The following EIF2B3 variants were observed in gnomAD, a reference collection of about 807,000 sequenced individuals.
EIF2B3 encodes eukaryotic translation initiation factor 2B subunit gamma, also known as translation initiation factor eIF2B subunit gamma.
EIF2B3 carries 20 observed loss-of-function variants against 54.1 expected under a neutral mutation model. The observed-to-expected ratio is 0.37, with a 90% CI of 0.26 to 0.54. EIF2B3 has a LOEUF of 0.54. Ranked by LOEUF, EIF2B3 falls within the 20% of genes least tolerant of loss-of-function variation. The pLI, the probability that EIF2B3 is intolerant of heterozygous loss-of-function variation, is 0.86. For synonymous variants in EIF2B3, 153 were observed against 188.1 expected, an observed-to-expected ratio of 0.81 and a Z score of 1.52; for missense variants, 448 against 547.8, an observed-to-expected ratio of 0.82 and a Z score of 1.82.
At chr1:44,959,086 T>C in intron 3 of EIF2B3, 1 of 775,476 alleles carries the variant, frequency 1.3e-6, no homozygotes, top group Non-Finnish European at 2.3e-6. Context: ...CCAAGGCCTC[T>C]ATGATAGCCT....
chr1:44,857,561 G>T (rs1654469633), intron 11 of EIF2B3, 143 bp downstream of exon 11: 2 of 771,840 alleles, frequency 2.6e-6, no homozygotes, highest in Non-Finnish European at 4.4e-6. Flanking sequence ...GATGTCAACT[G>T]CTCTCCAAAG....
rs548610653 is a variant in EIF2B3, at chr1:44,900,885, C to G, written c.567-3441G>C. ...TATTTTCTTTGGTGAAATGTTCATTCAAGTCTTTTGCCTATTTTGAAATTA... is the reference window on the plus strand; with the variant it reads ...TATTTTCTTTGGTGAAATGTTCATTGAAGTCTTTTGCCTATTTTGAAATTA... On this transcript the variant is annotated intron_variant, in intron 5 of 11. Coordinates refer to ENST00000360403, the MANE Select transcript of EIF2B3 (RefSeq NM_020365.5). 3.3e-5 allele frequency among the ~76,000 whole-genome samples: 5 copies of G among 152,250 alleles called. No individual in the cohort carries two copies. The South Asian group carries it at 1.0e-3, about 32-fold the overall frequency.
At chr1:44,957,142 T>A (rs1364275520) in intron 3 of EIF2B3, among the ~76,000 whole-genome samples, 1 of 152,182 alleles carries the variant, frequency 6.6e-6, no homozygotes, top group African/African-American at 2.4e-5. Flanking sequence ...GACGTGTGCC[T>A]GTATTTCCAG....
At chr1:44,969,173 A>C (rs1047427639) in intron 3 of EIF2B3, among the ~76,000 whole-genome samples, 1 of 152,196 alleles carries the variant, frequency 6.6e-6, no homozygotes, top group Non-Finnish European at 1.5e-5. Context: ...AGAACACACC[A>C]CTGCCTTGCC....
At chr1:44,875,102 CTCTT>C in intron 9 of EIF2B3, among the ~76,000 whole-genome samples, 1 of 152,284 alleles carries the variant, frequency 6.6e-6, no homozygotes, top group East Asian at 1.9e-4. Flanking sequence ...CAGATGTGCT[CTCTT>C]AAAGAGTGTG....
rs1302336616 is a variant in EIF2B3, at chr1:44,879,902, C to T, written c.891G>A (p.Gln297=). The stretch of plus-strand genomic sequence containing the variant: ...TCATGATGTGGACATAGCAGCGCAC[C>T]TGTGATCTGGACAAGTCTTCCCACC... ...GDRWEDLSRS[Q]VRCYVHIMKE... Residue 297 remains glutamine, a synonymous_variant, in exon 8 of 12, where the codon CAG becomes CAA. Coordinates refer to ENST00000360403, the MANE Select transcript of EIF2B3 (RefSeq NM_020365.5). 2 of 1,614,192 alleles carry T rather than the reference C, an allele frequency of 1.2e-6. No individual in the cohort carries two copies. Among genetic ancestry groups the T allele is most frequent in the African/African-American group, 2.7e-5 (2 of 75,030 alleles).
At chr1:44,936,481 C>A (rs1006111618) in intron 4 of EIF2B3, among the ~76,000 whole-genome samples, 6 of 151,472 alleles carry the variant, frequency 4.0e-5, no homozygotes, top group Non-Finnish European at 5.9e-5. Flanking sequence ...AACCCACCTA[C>A]TCAGGAGGCT....
chr1:44,881,120 C>T lies in EIF2B3; in HGVS notation c.784+492G>A, dbSNP rs772314580. On this transcript the variant is annotated intron_variant, in intron 7 of 11. Transcript: ENST00000360403. The surrounding 1 kb of genome is among the most constrained non-coding windows in gnomAD (Gnocchi z 4.0). Reference sequence around the variant, plus strand: ...TTTCAGAATATCTACTATGAGTCCACGACTGGGCCGGGGATTAGGGATATG... The same window carrying T: ...TTTCAGAATATCTACTATGAGTCCATGACTGGGCCGGGGATTAGGGATATG... 6.6e-6 allele frequency among the ~76,000 whole-genome samples: 1 copy of T among 152,138 alleles called. No individual in the cohort carries two copies. Among genetic ancestry groups the T allele is most frequent in the Non-Finnish European group, 1.5e-5 (1 of 68,028 alleles).
chr1:44,950,895 G>T (rs1644153672), intron 3 of EIF2B3, among the ~76,000 whole-genome samples: 1 of 151,814 alleles, frequency 6.6e-6, no homozygotes, highest in African/African-American at 2.4e-5. Flanking sequence ...TGCCATGTTG[G>T]CCAGGCTGGT....
chr1:44,915,243 C>T (rs3121173), intron 5 of EIF2B3, among the ~76,000 whole-genome samples: 71,794 of 150,682 alleles, frequency 0.48, 17,905 homozygotes, highest in African/African-American at 0.62. Context: ...GAGATTGCAG[C>T]AAGCAGAGAT....
intron 3 of EIF2B3, among the ~76,000 whole-genome samples, chr1:44,945,370 T>C (rs1186427122): frequency 6.6e-6 from 1 of 151,534 alleles, no homozygotes; most frequent in Non-Finnish European, 1.5e-5. Flanking sequence ...CTGGCTACCA[T>C]GGTGAAACCT....
chr1:44,938,257 T>C (rs1029867812), intron 4 of EIF2B3, among the ~76,000 whole-genome samples: 8 of 152,186 alleles, frequency 5.3e-5, no homozygotes, highest in Admixed American at 3.9e-4. Context: ...ATGCATAGCA[T>C]TCTATGGGAG....
chr1:44,975,268 C>T (rs77789589), intron 3 of EIF2B3, among the ~76,000 whole-genome samples: 11,481 of 152,014 alleles, frequency 0.076, 707 homozygotes, highest in Admixed American at 0.19. Context: ...AGAAATTAAG[C>T]GAAACTTAAA....
At chr1:44,884,862 G>A (rs890442132) in intron 6 of EIF2B3, among the ~76,000 whole-genome samples, 8 of 152,208 alleles carry the variant, frequency 5.3e-5, no homozygotes, top group Non-Finnish European at 1.2e-4. Flanking sequence ...GAACCTTCGA[G>A]AGGATCCATG....
At chr1:44,914,164 T>C (rs1483359365) in intron 5 of EIF2B3, among the ~76,000 whole-genome samples, 1 of 150,556 alleles carries the variant, frequency 6.6e-6, no homozygotes, top group Non-Finnish European at 1.5e-5. Flanking sequence ...TTGGGAATTT[T>C]TTTTTTTTTT....
At position 44,926,662 on chromosome 1, in the gene EIF2B3, C is replaced by T; in HGVS notation, c.532G>A (p.Glu178Lys). The change falls in exon 5 of 12, where the codon GAA (glutamate) becomes AAA (lysine). Residue 178 changes from glutamate to lysine, a missense_variant. This residue lies in a region of EIF2B3 where 350 missense variants were observed against 414.2 expected (regional missense o/e 0.85). Coordinates refer to ENST00000360403, the MANE Select transcript of EIF2B3 (RefSeq NM_020365.5). ...LFMANEADLD[E>K]ELVIKGSILQ... ...ATGGATCCCTTAATGACCAGCTCTT[C>T]ATCCAAGTCTGCTTCATTAGCCATG... 6.2e-7 allele frequency: 1 copy of T among 1,614,004 alleles called. No homozygotes were observed. The highest frequency in any genetic ancestry group is 8.5e-7 in the Non-Finnish European group (1 of 1,179,980).
intron 10 of EIF2B3, among the ~76,000 whole-genome samples, chr1:44,869,809 AG>A (rs1654907138): frequency 6.6e-6 from 1 of 151,908 alleles, no homozygotes; most frequent in Admixed American, 6.6e-5. Context: ...TGACAGACCT[AG>A]GATTCAGTTT....
Position 44,859,166 on chromosome 1 carries a change from T to C in EIF2B3, c.1203-1359A>G, listed in dbSNP as rs116531235. 4.8e-3 allele frequency among the ~76,000 whole-genome samples: 731 copies of C among 152,158 alleles called. 4 individuals carry two copies. Among genetic ancestry groups the C allele is most frequent in the African/African-American group, 0.017 (706 of 41,502 alleles). Reference sequence around the variant, plus strand: ...AAATAAAAAAGCTAGCTGTGCATGGTGGTGCATGCCTGTAGTACCAGTTAT... The same window carrying C: ...AAATAAAAAAGCTAGCTGTGCATGGCGGTGCATGCCTGTAGTACCAGTTAT... On this transcript the variant is annotated intron_variant, in intron 10 of 11. Coordinates refer to ENST00000360403, the MANE Select transcript of EIF2B3 (RefSeq NM_020365.5).
chr1:44,877,192 TAAAAAAAAAAAAA>T (rs768263508), intron 8 of EIF2B3, among the ~76,000 whole-genome samples: 5 of 52,056 alleles, frequency 9.6e-5, no homozygotes, highest in African/African-American at 4.5e-4. Flanking sequence ...GAATGATCAA[TAAAAAAAAAAAAA>T]AAAAAAAAAA....
Sources: gnomAD v4.1 joint callset for allele counts (sites outside exome capture counted in the v4.1 genomes callset) on GRCh38, gnomAD v4.1.1 for gene constraint, gnomAD v4.1.1 regional missense constraint, Gnocchi (gnomAD v3.1) non-coding constraint, MANE v1.5 for transcripts, NCBI Gene and HGNC (gene_info 2026-07-23, HGNC 2026-07-21) for gene names.